Variants in CDKL1 observed in about 807,000 individuals in gnomAD.
CDKL1 encodes the protein cyclin-dependent kinase-like 1.
CDKL1 carries 41 observed loss-of-function variants against 42.0 expected under a neutral mutation model. The observed-to-expected ratio is 0.98, with a 90% CI of 0.76 to 1.27. The LOEUF (loss-of-function observed/expected upper bound fraction) is 1.27. Among genes scored for constraint, CDKL1 ranks in the 50% most tolerant of loss-of-function variants. CDKL1 has a pLI of 0.00. For synonymous variants in CDKL1, 153 were observed against 158.6 expected, an observed-to-expected ratio of 0.96 and a Z score of 0.26; for missense variants, 394 against 428.4, an observed-to-expected ratio of 0.92 and a Z score of 0.71.
intron 2 of CDKL1, among the ~76,000 whole-genome samples, chr14:50,382,670 T>G (rs2034950183): frequency 6.8e-6 from 1 of 147,880 alleles, no homozygotes; most frequent in Non-Finnish European, 1.5e-5. Context: ...TCACACTCAC[T>G]GCAGCCTTGA....
chr14:50,397,241 T>G, upstream of CDKL1: 3 of 1,366,562 alleles, frequency 2.2e-6, no homozygotes, highest in Non-Finnish European at 2.9e-6. Context: ...TTATTCCCTT[T>G]GGTCCCTTGG....
intron 2 of CDKL1, among the ~76,000 whole-genome samples, chr14:50,366,807 T>G (rs2034448985): frequency 6.6e-6 from 1 of 152,028 alleles, no homozygotes; most frequent in African/African-American, 2.4e-5. Context: ...ACACTGGAAC[T>G]GTCAAAAATG....
At chr14:50,362,842 A>G (rs142004400) in intron 2 of CDKL1, 18 of 351,102 alleles carry the variant, frequency 5.1e-5, no homozygotes, top group South Asian at 3.6e-4. Context: ...GGGTAGGGCC[A>G]GATAAGAGAA....
chr14:50,364,127 A>G (rs377574611), intron 2 of CDKL1, among the ~76,000 whole-genome samples: 2 of 152,242 alleles, frequency 1.3e-5, no homozygotes, highest in East Asian at 1.9e-4. Flanking sequence ...TGGGACCAGT[A>G]ACTGTTATAT....
chr14:50,361,481 G>T (rs974683354), intron 2 of CDKL1, among the ~76,000 whole-genome samples: 1 of 152,176 alleles, frequency 6.6e-6, no homozygotes, highest in African/African-American at 2.4e-5. Context: ...TTACAGTTCC[G>T]CATGCTGGGA....
intron 4 of CDKL1, chr14:50,342,567 G>A (rs1045981364): frequency 9.7e-6 from 3 of 310,422 alleles, no homozygotes; most frequent in Non-Finnish European, 1.5e-5. Context: ...CACTTGGGAT[G>A]TACTTATACT....
chr14:50,392,161 T>C (rs2035275810), intron 2 of CDKL1, among the ~76,000 whole-genome samples: 1 of 152,188 alleles, frequency 6.6e-6, no homozygotes, highest in Admixed American at 6.5e-5. Flanking sequence ...TTAAGAACAC[T>C]ATGGCCAGGA....
intron 2 of CDKL1, among the ~76,000 whole-genome samples, chr14:50,392,751 A>T (rs1417207393): frequency 6.6e-6 from 1 of 152,054 alleles, no homozygotes; most frequent in Non-Finnish European, 1.5e-5. Flanking sequence ...TGCCTACTTT[A>T]CAAGTCTCCT....
chr14:50,396,014 G>A lies in CDKL1; in HGVS notation c.-146C>T. On this transcript the variant is annotated 5_prime_UTR_variant, in exon 2 of 10. In the 5' UTR this introduces an upstream ATG that the reference lacks. Transcript: ENST00000395834. The stretch of plus-strand genomic sequence containing the variant: ...AGTCTGGCCAACATACTGAAACTCC[G>A]TCTCTACTAAAGATACAAAAAATTA... The A allele has an allele frequency of 2.0e-6, 2 of 995,720 alleles. No homozygotes were observed. Among genetic ancestry groups the A allele is most frequent in the Non-Finnish European group, 2.9e-6 (2 of 698,354 alleles). 61.7% of individuals were successfully genotyped at this position (995,720 alleles called of 1,614,324 possible). A position where few individuals can be genotyped will look rare whatever the true frequency, so the allele number is the denominator to read the frequency against.
At position 50,330,034 on chromosome 14, in the gene CDKL1, T is replaced by G; in HGVS notation, c.*40A>C. The G allele has an allele frequency of 6.3e-7, 1 of 1,594,634 alleles. No individual in the cohort carries two copies. Among genetic ancestry groups the G allele is most frequent in the Non-Finnish European group, 8.5e-7 (1 of 1,173,942 alleles). On this transcript the variant is annotated 3_prime_UTR_variant, in exon 10 of 10. Transcript: ENST00000395834. ...TATAAGTTTTATTTTCTTCAAAGCA[T>G]CTATTGATTCCTTTTTTAAAATCAT...
chr14:50,361,481 G>C (rs974683354), intron 2 of CDKL1, among the ~76,000 whole-genome samples: 1 of 152,176 alleles, frequency 6.6e-6, no homozygotes, highest in Non-Finnish European at 1.5e-5. Flanking sequence ...TTACAGTTCC[G>C]CATGCTGGGA....
chr14:50,384,011 G>T (rs555331794), intron 2 of CDKL1, among the ~76,000 whole-genome samples: 1 of 152,302 alleles, frequency 6.6e-6, no homozygotes, highest in East Asian at 1.9e-4. Flanking sequence ...ACTATTTGCA[G>T]TTAGTATATT....
At chr14:50,371,048 C>T (rs1239600899) in intron 2 of CDKL1, among the ~76,000 whole-genome samples, 1 of 152,178 alleles carries the variant, frequency 6.6e-6, no homozygotes, top group Non-Finnish European at 1.5e-5. Context: ...ATAATGTTCC[C>T]CAATTTCATC....
At chr14:50,336,317 G>A (rs1034360782) in intron 7 of CDKL1, 10 of 1,161,542 alleles carry the variant, frequency 8.6e-6, no homozygotes, top group Non-Finnish European at 9.9e-6. Flanking sequence ...GGAAGCCATG[G>A]GAAGCTTCTT....
intron 2 of CDKL1, among the ~76,000 whole-genome samples, chr14:50,393,888 G>A (rs1051676186): frequency 2.0e-5 from 3 of 152,116 alleles, no homozygotes; most frequent in African/African-American, 7.2e-5. Context: ...CCCATTTATT[G>A]GCAACATCCA....
At chr14:50,358,748 T>G (rs1422375900) in intron 3 of CDKL1, among the ~76,000 whole-genome samples, 1 of 148,076 alleles carries the variant, frequency 6.8e-6, no homozygotes, top group Non-Finnish European at 1.5e-5. Context: ...CAAGCGATTC[T>G]CCTGCCTCAG....
chr14:50,341,415 C>T (rs2033519657), intron 5 of CDKL1, among the ~76,000 whole-genome samples, 183 bp from the exon 6 acceptor site: 1 of 147,708 alleles, frequency 6.8e-6, no homozygotes, highest in Admixed American at 6.9e-5. Flanking sequence ...ATGCTCAAGC[C>T]ACACTCCAGT....
chr14:50,326,321 A>ATATT lies in CDKL1; in HGVS notation c.*3749_*3752dup, dbSNP rs374964333. The stretch of plus-strand genomic sequence containing the variant: ...AATCTATAGATATCTCTTGATGTAG[A>ATATT]TATTTAGAATCCTTTAAAGTTATTT... On this transcript the variant is annotated 3_prime_UTR_variant, in exon 10 of 10. Coordinates refer to ENST00000395834, the MANE Select transcript of CDKL1 (RefSeq NM_004196.7). The ATATT allele has an allele frequency of 6.0e-5, 37 of 613,308 alleles. No homozygotes were observed. The African/African-American group carries it at 6.2e-4, about 10-fold the overall frequency. The allele number at this position is 613,308 out of a possible 1,614,324, so 38.0% of individuals were successfully genotyped here. A position where few individuals can be genotyped will look rare whatever the true frequency, so the allele number is the denominator to read the frequency against.
rs1240817291 is a variant in CDKL1 at position 50,327,187 on chromosome 14, T to C, written c.*2887A>G. On this transcript the variant is annotated 3_prime_UTR_variant, in exon 10 of 10. Coordinates refer to ENST00000395834, the MANE Select transcript of CDKL1 (RefSeq NM_004196.7). ...TACCAAAAAATTAAAAAATAAAAAA[T>C]AGCTGGGTGTAGTGGCACATGCCTG... 1.3e-5 allele frequency: 2 copies of C among 151,530 alleles called. No individual in the cohort carries two copies. Among genetic ancestry groups the C allele is most frequent in the African/African-American group, 4.9e-5 (2 of 41,222 alleles). The allele number at this position is 151,530 out of a possible 1,614,324, so 9.4% of individuals were successfully genotyped here.
Sources: allele counts gnomAD v4.1 joint callset (sites outside exome capture counted in the v4.1 genomes callset), GRCh38; gene constraint gnomAD v4.1.1; transcripts MANE v1.5; gene names NCBI Gene and HGNC (gene_info 2026-07-23, HGNC 2026-07-21).